Variants in RANBP17 observed in about 807,000 individuals in gnomAD.
RANBP17 encodes ran-binding protein 17.
RANBP17 carries 158 observed loss-of-function variants against 141.2 expected under a neutral mutation model. The ratio of observed to expected loss-of-function variants is 1.12; its 90% confidence interval spans 0.98 to 1.28. RANBP17 has a LOEUF of 1.28. Ranked by LOEUF, RANBP17 falls within the 50% of genes most tolerant of loss-of-function variation. RANBP17 has a pLI of 0.00. For synonymous variants in RANBP17, 430 were observed against 450.0 expected (o/e 0.96, Z 0.56); for missense variants, 1,438 against 1,290.7 (o/e 1.11, Z -1.75).
intron 14 of RANBP17, among the ~76,000 whole-genome samples, chr5:171,128,049 T>G (rs1052960377): frequency 6.6e-6 from 1 of 152,000 alleles, no homozygotes; most frequent in East Asian, 1.9e-4. Flanking sequence ...TCCCAGCTAC[T>G]TGGGAGGCTG....
chr5:171,001,773 A>C (rs529261588), intron 14 of RANBP17, among the ~76,000 whole-genome samples: 1 of 152,254 alleles, frequency 6.6e-6, no homozygotes, highest in East Asian at 1.9e-4. Flanking sequence ...TGATTTGACT[A>C]ATCATGGCCA....
At chr5:170,957,103 ACACACG>A (rs1775779144) in intron 13 of RANBP17, among the ~76,000 whole-genome samples, 1 of 151,042 alleles carries the variant, frequency 6.6e-6, no homozygotes, top group African/African-American at 2.5e-5. Flanking sequence ...ACACACACAC[ACACACG>A]CGCACACTGC....
intron 22 of RANBP17, among the ~76,000 whole-genome samples, chr5:171,235,644 C>T (rs904784614): frequency 1.3e-5 from 2 of 152,112 alleles, no homozygotes; most frequent in Non-Finnish European, 2.9e-5. Context: ...CACTCTCATC[C>T]AGGCTGGAGT....
At chr5:170,968,510 GAAGTGC>G in intron 14 of RANBP17, 133 bp downstream of exon 14, 2 of 801,272 alleles carry the variant, frequency 2.5e-6, no homozygotes, top group Non-Finnish European at 4.2e-6. Context: ...AATTGGTGAT[GAAGTGC>G]AATGTAAAAT....
At chr5:171,229,104 G>A (rs1764049389) in intron 22 of RANBP17, among the ~76,000 whole-genome samples, 1 of 152,214 alleles carries the variant, frequency 6.6e-6, no homozygotes, top group South Asian at 2.1e-4. Flanking sequence ...TAACTAGAGA[G>A]TTAATAAAAT....
At chr5:171,203,213 G>A (rs1015895039) in intron 19 of RANBP17, among the ~76,000 whole-genome samples, 3 of 152,136 alleles carry the variant, frequency 2.0e-5, no homozygotes, top group African/African-American at 7.2e-5. Context: ...AAAACTCTTT[G>A]CACTATTTTA....
chr5:171,056,575 C>G (rs995615898), intron 14 of RANBP17, among the ~76,000 whole-genome samples: 6 of 151,944 alleles, frequency 3.9e-5, no homozygotes, highest in Non-Finnish European at 7.4e-5. Flanking sequence ...CAAATACATC[C>G]CCAGGAAAGC....
At chr5:171,158,151 T>C (rs1759036049) in intron 14 of RANBP17, among the ~76,000 whole-genome samples, 1 of 152,236 alleles carries the variant, frequency 6.6e-6, no homozygotes. Flanking sequence ...ATCTGCTGCC[T>C]TGGGACAAAT....
At chr5:171,029,055 T>C in intron 14 of RANBP17, 1 of 562,140 alleles carries the variant, frequency 1.8e-6, no homozygotes, top group Non-Finnish European at 2.6e-6. Context: ...TACTCAGGCA[T>C]GAACTCACTC....
chr5:171,201,036 A>T (rs1762265803), intron 19 of RANBP17, among the ~76,000 whole-genome samples: 1 of 152,214 alleles, frequency 6.6e-6, no homozygotes, highest in Non-Finnish European at 1.5e-5. Context: ...CCCTTTATCA[A>T]AAAGGAGCAG....
chr5:170,909,400 G>A (rs1328232485), intron 5 of RANBP17, among the ~76,000 whole-genome samples: 1 of 151,578 alleles, frequency 6.6e-6, no homozygotes, highest in Admixed American at 6.6e-5. Context: ...ATAAAATATG[G>A]TACATGGTTT....
At chr5:170,888,451 C>CT (rs1197528135) in intron 3 of RANBP17, among the ~76,000 whole-genome samples, 1 of 152,040 alleles carries the variant, frequency 6.6e-6, no homozygotes, top group Non-Finnish European at 1.5e-5. Flanking sequence ...AGATTTAAAT[C>CT]TAAGTATTAA....
chr5:171,054,341 T>C (rs1368273312), intron 14 of RANBP17, among the ~76,000 whole-genome samples: 1 of 152,178 alleles, frequency 6.6e-6, no homozygotes, highest in African/African-American at 2.4e-5. Flanking sequence ...ATTTCTTTAT[T>C]ATATGCTAAA....
At chr5:171,159,917 C>CAAAAAAAAAAAA (rs1175963382) in intron 14 of RANBP17, among the ~76,000 whole-genome samples, 3 of 41,480 alleles carry the variant, frequency 7.2e-5, no homozygotes, top group Non-Finnish European at 1.1e-4. Flanking sequence ...GACTCCATCT[C>CAAAAAAAAAAAA]AAAAAAAAAA....
chr5:171,260,735 CAA>C (rs1320473743), intron 24 of RANBP17, among the ~76,000 whole-genome samples: 1 of 151,694 alleles, frequency 6.6e-6, no homozygotes, highest in Non-Finnish European at 1.5e-5. Context: ...ATTTAAAAAA[CAA>C]AGTGGGGTGT....
Position 170,896,057 on chromosome 5 carries a change from T to C in RANBP17, c.431T>C (p.Val144Ala), listed in dbSNP as rs1386599722. 3.7e-6 allele frequency: 6 copies of C among 1,604,134 alleles called. No homozygotes were observed. In the Admixed American group the frequency reaches 6.8e-5, roughly 18 times the overall value. The stretch of plus-strand genomic sequence containing the variant: ...TTGTTATTTTCTCCAAAGGGTACTG[T>C]GGAACACTGCATAATAGGAGTAATA... ...ADVKKFLQGT[V>A]EHCIIGVIIL... The change falls in exon 5 of 28, where the codon GTG becomes GCG. Residue 144 changes from valine to alanine, a missense_variant. Transcript: ENST00000523189.
chr5:171,145,941 G>A (rs542389708), intron 14 of RANBP17, among the ~76,000 whole-genome samples: 1 of 152,188 alleles, frequency 6.6e-6, no homozygotes, highest in Non-Finnish European at 1.5e-5. Context: ...GTGTGTAATA[G>A]GCCCCAGGAA....
chr5:171,118,250 TC>T (rs1755782361), intron 14 of RANBP17, among the ~76,000 whole-genome samples: 1 of 152,212 alleles, frequency 6.6e-6, no homozygotes, highest in Non-Finnish European at 1.5e-5. Context: ...GTTTTATTGG[TC>T]CATCTTTCTG....
At chr5:171,043,086 G>A (rs989018587) in intron 14 of RANBP17, among the ~76,000 whole-genome samples, 17 of 152,096 alleles carry the variant, frequency 1.1e-4, no homozygotes, top group African/African-American at 3.6e-4. Context: ...ATATTGACCT[G>A]TATCAAGTGA....
Sources: allele counts gnomAD v4.1 joint callset (sites outside exome capture counted in the v4.1 genomes callset), GRCh38; gene constraint gnomAD v4.1.1; transcripts MANE v1.5; gene names NCBI Gene and HGNC (gene_info 2026-07-23, HGNC 2026-07-21).